Variants in SPAG9 observed in about 807,000 individuals in gnomAD.
The protein encoded by SPAG9 is sperm associated antigen 9.
Under a neutral mutation model 166.5 loss-of-function variants are expected in SPAG9, and 35 were observed. The ratio of observed to expected loss-of-function variants is 0.21; its 90% confidence interval spans 0.16 to 0.28. The LOEUF (loss-of-function observed/expected upper bound fraction) is 0.28, where lower values mean the gene tolerates loss of function less well. SPAG9 is among the 10% of genes least tolerant of loss of function. The pLI is 1.00. For synonymous variants in SPAG9, 534 were observed against 565.5 expected (o/e 0.94, Z 0.79); for missense variants, 1,235 against 1,603.3 (o/e 0.77, Z 3.92).
At chr17:51,085,959 ATTTTTTTTTTTT>A (rs34918673) in intron 1 of SPAG9, among the ~76,000 whole-genome samples, 5 of 88,066 alleles carry the variant, frequency 5.7e-5, no homozygotes, top group African/African-American at 2.3e-4. Flanking sequence ...CTTGGAAATC[ATTTTTTTTTTTT>A]TTTTTTTTTT....
rs552051209 is a variant in SPAG9 at position 51,025,301 on chromosome 17, G to C, written c.784-3936C>G. On this transcript the variant is annotated intron_variant, in intron 6 of 29. Transcript: ENST00000262013. ...CCACCACACTCCAGTCTGGTGACAGGGTGAGACTCTGTCTCAAAAAAAAAA... is the reference window on the plus strand; with the variant it reads ...CCACCACACTCCAGTCTGGTGACAGCGTGAGACTCTGTCTCAAAAAAAAAA... 1.4e-4 allele frequency among the ~76,000 whole-genome samples: 19 copies of C among 131,102 alleles called. 1 individual carries two copies. The South Asian group carries it at 4.5e-3, about 31-fold the overall frequency. The allele number at this position is 131,102 out of a possible 152,430, so 86.0% of individuals were successfully genotyped here. A position where few individuals can be genotyped will look rare whatever the true frequency, so the allele number is the denominator to read the frequency against.
At chr17:50,981,863 C>A (rs1445163162) in intron 25 of SPAG9, among the ~76,000 whole-genome samples, 2 of 151,800 alleles carry the variant, frequency 1.3e-5, no homozygotes, top group Non-Finnish European at 2.9e-5. Context: ...AACCCCGTCT[C>A]TACTAAAAAT....
At chr17:51,064,953 C>T (rs1443300107) in intron 2 of SPAG9, among the ~76,000 whole-genome samples, 4 of 152,168 alleles carry the variant, frequency 2.6e-5, no homozygotes, top group Non-Finnish European at 5.9e-5. Flanking sequence ...GAAACCCCGT[C>T]TCTACTAAAA....
intron 9 of SPAG9, among the ~76,000 whole-genome samples, chr17:51,012,147 T>C (rs2045512036): frequency 6.6e-6 from 1 of 152,266 alleles, no homozygotes; most frequent in Non-Finnish European, 1.5e-5. Context: ...TTTTTTCATC[T>C]GCTCCTCAAA....
At chr17:51,097,615 A>G (rs1053326843) in intron 1 of SPAG9, among the ~76,000 whole-genome samples, 5 of 152,092 alleles carry the variant, frequency 3.3e-5, no homozygotes, top group African/African-American at 1.2e-4. Context: ...AAGCACAGGT[A>G]AAATAACCTG....
chr17:51,112,781 T>C (rs2049156360), intron 1 of SPAG9, among the ~76,000 whole-genome samples: 1 of 150,204 alleles, frequency 6.7e-6, no homozygotes, highest in African/African-American at 2.4e-5. Context: ...TGAGTTCAGC[T>C]TGCATAACAT....
intron 2 of SPAG9, among the ~76,000 whole-genome samples, chr17:51,069,413 T>C (rs1414324043): frequency 1.3e-5 from 2 of 152,042 alleles, no homozygotes; most frequent in African/African-American, 4.8e-5. Context: ...CTGAATGTAT[T>C]TTTTTAGGTG....
chr17:51,075,710 G>A (rs2047950848), intron 2 of SPAG9, among the ~76,000 whole-genome samples: 1 of 152,100 alleles, frequency 6.6e-6, no homozygotes, highest in Non-Finnish European at 1.5e-5. Flanking sequence ...TGTAGTTCCA[G>A]CTATTTGGGA....
chr17:51,058,868 T>C (rs1042972557), intron 2 of SPAG9, among the ~76,000 whole-genome samples: 1 of 152,206 alleles, frequency 6.6e-6, no homozygotes, highest in Non-Finnish European at 1.5e-5. Flanking sequence ...TAAGAACTGT[T>C]TGGCAAGATT....
intron 2 of SPAG9, among the ~76,000 whole-genome samples, chr17:51,071,739 CTT>C (rs777142446): frequency 5.3e-5 from 8 of 152,138 alleles, no homozygotes; most frequent in Non-Finnish European, 8.8e-5. Context: ...TAGCAAATAA[CTT>C]TAACCAAAAT....
chr17:51,002,712 A>T (rs2045011499), intron 12 of SPAG9, among the ~76,000 whole-genome samples: 2 of 151,998 alleles, frequency 1.3e-5, no homozygotes, highest in African/African-American at 4.8e-5. Context: ...AGCCATGACC[A>T]TACCACTGCA....
chr17:50,984,156 G>A (rs1404583572), intron 24 of SPAG9, among the ~76,000 whole-genome samples: 1 of 152,096 alleles, frequency 6.6e-6, no homozygotes, highest in African/African-American at 2.4e-5. Context: ...TTCATTTAAG[G>A]TAGGGTTTCT....
rs541794254 is a variant in SPAG9 at position 50,988,915 on chromosome 17, T to C, written c.2813+762A>G. 7.9e-5 allele frequency among the ~76,000 whole-genome samples: 12 copies of C among 152,246 alleles called. No homozygotes were observed. In the South Asian group the frequency reaches 2.5e-3, roughly 32 times the overall value. On this transcript the variant is annotated intron_variant, in intron 21 of 29. Transcript: ENST00000262013. ...AATTCAAAAAGGTCATCCACACCCA[T>C]GTGGGAAACTTGTACAATGGCAGAT...
intron 1 of SPAG9, among the ~76,000 whole-genome samples, chr17:51,112,335 A>G (rs1449059555): frequency 6.8e-6 from 1 of 147,674 alleles, no homozygotes; most frequent in Non-Finnish European, 1.5e-5. Context: ...GGAGTTCAAG[A>G]CAAGCCTGGG....
At chr17:51,005,670 G>A (rs2045182514) in intron 11 of SPAG9, among the ~76,000 whole-genome samples, 2 of 152,184 alleles carry the variant, frequency 1.3e-5, no homozygotes, top group African/African-American at 4.8e-5. Context: ...GGCCAACATG[G>A]CGAAACCCTG....
At chr17:51,095,973 TGATATA>T (rs2048620394) in intron 1 of SPAG9, among the ~76,000 whole-genome samples, 1 of 89,294 alleles carries the variant, frequency 1.1e-5, no homozygotes, top group Non-Finnish European at 2.0e-5. Context: ...ATATATATAG[TGATATA>T]TATATATATA....
intron 1 of SPAG9, among the ~76,000 whole-genome samples, chr17:51,112,158 C>A (rs2049131499): frequency 6.6e-6 from 1 of 152,062 alleles, no homozygotes; most frequent in Non-Finnish European, 1.5e-5. Context: ...ATAGATTGTT[C>A]ATTTCAGAAA....
intron 2 of SPAG9, among the ~76,000 whole-genome samples, chr17:51,059,910 T>G (rs1357630287): frequency 6.6e-6 from 1 of 152,190 alleles, no homozygotes; most frequent in African/African-American, 2.4e-5. Flanking sequence ...CTGACTAGTT[T>G]CTCTACTTAG....
intron 2 of SPAG9, among the ~76,000 whole-genome samples, chr17:51,065,615 T>C (rs1485697028): frequency 6.6e-6 from 1 of 152,180 alleles, no homozygotes; most frequent in Non-Finnish European, 1.5e-5. Flanking sequence ...AACATACTAA[T>C]GGCCCCCACT....
Sources: gnomAD v4.1 joint callset for allele counts (sites outside exome capture counted in the v4.1 genomes callset) on GRCh38, gnomAD v4.1.1 for gene constraint, MANE v1.5 for transcripts, NCBI Gene and HGNC (gene_info 2026-07-23, HGNC 2026-07-21) for gene names.